HPSE2: variants seen among roughly 807,000 people sequenced by gnomAD.
HPSE2 encodes the protein inactive heparanase-2.
A neutral mutation model predicts 60.5 loss-of-function variants in HPSE2; 38 were observed. The observed-to-expected ratio is 0.63, with a 90% CI of 0.48 to 0.82. The LOEUF is 0.82. Ranked by LOEUF, HPSE2 falls within the 40% of genes least tolerant of loss-of-function variation. HPSE2 has a pLI of 0.00. For missense variants in HPSE2, 713 were observed against 740.4 expected, an observed-to-expected ratio of 0.96 and a Z score of 0.43; for synonymous variants, 295 against 293.2, an observed-to-expected ratio of 1.01 and a Z score of -0.06.
chr10:99,192,064 GA>G (rs1340145014), intron 2 of HPSE2, among the ~76,000 whole-genome samples: 6 of 151,854 alleles, frequency 4.0e-5, no homozygotes, highest in Non-Finnish European at 7.4e-5. Context: ...GGAGACAAAA[GA>G]AAAAAGAATT....
At chr10:98,837,064 A>G (rs561800551) in intron 3 of HPSE2, among the ~76,000 whole-genome samples, 3 of 149,374 alleles carry the variant, frequency 2.0e-5, no homozygotes, top group African/African-American at 7.7e-5. Context: ...CAAACAAACA[A>G]ATAAATAAAT....
At chr10:99,023,635 T>A (rs955652633) in intron 3 of HPSE2, among the ~76,000 whole-genome samples, 1 of 152,178 alleles carries the variant, frequency 6.6e-6, no homozygotes, top group Non-Finnish European at 1.5e-5. Flanking sequence ...TCCAGCTTTA[T>A]GTTGCTCAGA....
At chr10:99,075,491 T>C (rs1293218323) in intron 3 of HPSE2, among the ~76,000 whole-genome samples, 3 of 152,156 alleles carry the variant, frequency 2.0e-5, no homozygotes, top group Non-Finnish European at 2.9e-5. Flanking sequence ...GAGAAAAATA[T>C]ATATTCCTCT....
intron 7 of HPSE2, 70 bp from the exon 8 acceptor site, chr10:98,620,778 A>T (rs1392985995): frequency 9.9e-6 from 10 of 1,005,228 alleles, no homozygotes; most frequent in Non-Finnish European, 1.5e-5. Context: ...GAAGAAACAC[A>T]CATTCCCTTA....
In HPSE2 at chr10:98,958,176, T is replaced by G. The variant is rs73333825; in HGVS notation, c.610+186062A>C. ...AGTGTCTCAGAGGGTTTTCTTTGTC[T>G]ATGTCACTCACTGCACACTCAAATG... is the stretch of plus-strand genomic sequence containing the variant. On this transcript the variant is annotated intron_variant, in intron 3 of 11. Transcript: ENST00000370552. 2.0e-3 allele frequency among the ~76,000 whole-genome samples: 305 copies of G among 152,296 alleles called. 1 individual carries two copies. The highest frequency in any genetic ancestry group is 7.1e-3 in the African/African-American group (294 of 41,572).
chr10:98,701,828 A>C (rs910177619), intron 5 of HPSE2, among the ~76,000 whole-genome samples: 1 of 152,082 alleles, frequency 6.6e-6, no homozygotes, highest in African/African-American at 2.4e-5. Context: ...GTAAAGGAAA[A>C]AACCAGTACC....
At chr10:99,236,144 A>G (rs1256688103), upstream of HPSE2, among the ~76,000 whole-genome samples, 1 of 151,398 alleles carries the variant, frequency 6.6e-6, no homozygotes, top group Admixed American at 6.6e-5. Context: ...TTTCTACTGC[A>G]GACATTTTTT....
At chr10:98,662,727 T>C (rs929687848) in intron 6 of HPSE2, among the ~76,000 whole-genome samples, 5 of 152,176 alleles carry the variant, frequency 3.3e-5, no homozygotes, top group African/African-American at 1.2e-4. Context: ...GCTGTGGAAT[T>C]TTCCTTAGAA....
upstream of HPSE2, among the ~76,000 whole-genome samples, chr10:99,240,710 C>A (rs1163391123): frequency 6.6e-6 from 1 of 152,166 alleles, no homozygotes; most frequent in Admixed American, 6.5e-5. Flanking sequence ...CCACGCCCAG[C>A]CTACAATGAT....
chr10:98,815,238 C>T (rs1951258360), intron 3 of HPSE2, among the ~76,000 whole-genome samples: 1 of 152,258 alleles, frequency 6.6e-6, no homozygotes, highest in African/African-American at 2.4e-5. Context: ...GCCATGATGG[C>T]ACCACTGCAC....
At chr10:98,856,046 T>C (rs1202620216) in intron 3 of HPSE2, among the ~76,000 whole-genome samples, 1 of 152,056 alleles carries the variant, frequency 6.6e-6, no homozygotes, top group Non-Finnish European at 1.5e-5. Flanking sequence ...AACCATAAAA[T>C]GCAAACTCCT....
At chr10:99,026,652 AACAGC>A (rs1195645149) in intron 3 of HPSE2, among the ~76,000 whole-genome samples, 3 of 152,174 alleles carry the variant, frequency 2.0e-5, no homozygotes, top group African/African-American at 7.2e-5. Context: ...CATTTTATTC[AACAGC>A]TGCAGAATAC....
intron 9 of HPSE2, among the ~76,000 whole-genome samples, chr10:98,566,433 A>G (rs1944346972): frequency 6.6e-6 from 1 of 152,202 alleles, no homozygotes; most frequent in African/African-American, 2.4e-5. Flanking sequence ...TTGCACATGC[A>G]CGGGAGGCAT....
intron 3 of HPSE2, among the ~76,000 whole-genome samples, chr10:99,124,088 T>C (rs921862732): frequency 1.3e-5 from 2 of 152,100 alleles, no homozygotes; most frequent in Non-Finnish European, 2.9e-5. Flanking sequence ...CAGAGCAAAG[T>C]TGAGGCTGCG....
chr10:98,869,358 A>G (rs1347233493), intron 3 of HPSE2, among the ~76,000 whole-genome samples: 1 of 152,170 alleles, frequency 6.6e-6, no homozygotes, highest in African/African-American at 2.4e-5. Flanking sequence ...AAACAAGCAT[A>G]TCAGAGCCCT....
At chr10:98,716,442 A>AAAATAAATAAATAAAT (rs35131766) in intron 5 of HPSE2, among the ~76,000 whole-genome samples, 42 of 148,080 alleles carry the variant, frequency 2.8e-4, no homozygotes, top group African/African-American at 8.3e-4. Context: ...ATAATAATAA[A>AAAATAAATAAATAAAT]AAATAAATAA....
At chr10:99,001,303 G>A (rs552015568) in intron 3 of HPSE2, among the ~76,000 whole-genome samples, 1 of 152,172 alleles carries the variant, frequency 6.6e-6, no homozygotes, top group African/African-American at 2.4e-5. Flanking sequence ...CTTAAGAGAA[G>A]TAGGCTAATG....
chr10:99,252,332 G>A, the HPSE2 span, among the ~76,000 whole-genome samples: 1 of 151,880 alleles, frequency 6.6e-6, no homozygotes, highest in African/African-American at 2.4e-5. Context: ...AATCATCCAA[G>A]AGAAAGAAAT....
intron 3 of HPSE2, among the ~76,000 whole-genome samples, chr10:99,040,923 A>G (rs1210601521): frequency 6.6e-6 from 1 of 151,936 alleles, no homozygotes; most frequent in Non-Finnish European, 1.5e-5. Flanking sequence ...TGTCTCTACG[A>G]AAAATACAAA....
Sources: gnomAD v4.1 joint callset for allele counts (sites outside exome capture counted in the v4.1 genomes callset) on GRCh38, gnomAD v4.1.1 for gene constraint, MANE v1.5 for transcripts, NCBI Gene and HGNC (gene_info 2026-07-23, HGNC 2026-07-21) for gene names.